ANKS1B: variants seen among roughly 807,000 people sequenced by gnomAD.
ANKS1B encodes the protein ankyrin repeat and sterile alpha motif domain-containing protein 1B.
ANKS1B carries 36 observed loss-of-function variants against 148.3 expected under a neutral mutation model. The observed-to-expected ratio is 0.24, with a 90% CI of 0.19 to 0.32. ANKS1B has a LOEUF of 0.32. Among genes scored for constraint, ANKS1B ranks in the 10% least tolerant of loss-of-function variants. The pLI is 1.00. For synonymous variants in ANKS1B, 542 were observed against 560.8 expected (o/e 0.97, Z 0.47); for missense variants, 1,157 against 1,542.6 (o/e 0.75, Z 4.19).
chr12:99,866,898 G>T (rs1426461347), intron 1 of ANKS1B, among the ~76,000 whole-genome samples: 17 of 152,078 alleles, frequency 1.1e-4, no homozygotes, highest in Admixed American at 1.0e-3. Flanking sequence ...CATCTCCATT[G>T]ATTTATTTTG....
intron 1 of ANKS1B, among the ~76,000 whole-genome samples, chr12:99,960,745 T>C (rs549141170): frequency 6.6e-6 from 1 of 152,240 alleles, no homozygotes; most frequent in African/African-American, 2.4e-5. Context: ...AATAAATACA[T>C]ATTAAAAATA....
intron 9 of ANKS1B, among the ~76,000 whole-genome samples, chr12:99,610,286 T>A (rs1446001554): frequency 6.6e-6 from 1 of 152,022 alleles, no homozygotes; most frequent in Non-Finnish European, 1.5e-5. Flanking sequence ...CTAATGGTAA[T>A]AGACTGAGTA....
intron 9 of ANKS1B, among the ~76,000 whole-genome samples, chr12:99,566,017 A>T (rs116212313): frequency 0.014 from 2,064 of 152,250 alleles, 40 homozygotes; most frequent in African/African-American, 0.046. Context: ...TGTACTGAAT[A>T]CGCTGACATT....
chr12:99,662,460 AAC>A (rs893994647), intron 8 of ANKS1B, among the ~76,000 whole-genome samples: 41 of 152,202 alleles, frequency 2.7e-4, no homozygotes, highest in African/African-American at 9.4e-4. Context: ...TACATTGAAT[AAC>A]AGTTTATCAC....
intron 17 of ANKS1B, among the ~76,000 whole-genome samples, chr12:98,967,873 T>A (rs2099879873): frequency 6.6e-6 from 1 of 152,048 alleles, no homozygotes; most frequent in South Asian, 2.1e-4. Context: ...TACACTCAGC[T>A]GACCCGGGGA....
At chr12:99,045,965 T>G (rs1254625366) in intron 17 of ANKS1B, among the ~76,000 whole-genome samples, 1 of 152,152 alleles carries the variant, frequency 6.6e-6, no homozygotes, top group Non-Finnish European at 1.5e-5. Context: ...GATCAGTACA[T>G]GCATGTGAGG....
intron 17 of ANKS1B, among the ~76,000 whole-genome samples, chr12:99,011,378 G>A (rs2099939306): frequency 2.0e-5 from 3 of 152,218 alleles, no homozygotes; most frequent in Admixed American, 2.0e-4. Flanking sequence ...GAAAAACCAA[G>A]TGTGAGTAAA....
chr12:99,489,408 A>G (rs1223073095), intron 10 of ANKS1B, among the ~76,000 whole-genome samples: 1 of 152,216 alleles, frequency 6.6e-6, no homozygotes, highest in African/African-American at 2.4e-5. Context: ...CTTTCTATAT[A>G]TTGAACAAAA....
At chr12:98,904,330 C>G (rs1012591334) in intron 17 of ANKS1B, among the ~76,000 whole-genome samples, 4 of 152,112 alleles carry the variant, frequency 2.6e-5, no homozygotes, top group Non-Finnish European at 5.9e-5. Flanking sequence ...CAGGGAGAAA[C>G]AACCTGGATG....
intron 4 of ANKS1B, among the ~76,000 whole-genome samples, chr12:99,800,055 CT>C (rs1267234864): frequency 6.6e-6 from 1 of 152,074 alleles, no homozygotes; most frequent in African/African-American, 2.4e-5. Flanking sequence ...GATTGAATAT[CT>C]GTGTGCCCCA....
chr12:99,679,200 C>T (rs539594239), intron 8 of ANKS1B, among the ~76,000 whole-genome samples: 5 of 152,276 alleles, frequency 3.3e-5, no homozygotes, highest in African/African-American at 1.2e-4. Flanking sequence ...AAATAATAAA[C>T]AAAAGCTCTC....
intron 15 of ANKS1B, chr12:99,104,580 A>C (rs1328882758): frequency 1.3e-5 from 2 of 152,242 alleles, no homozygotes; most frequent in Non-Finnish European, 2.9e-5. Flanking sequence ...GACAATGTGA[A>C]TAGGCATCGT....
At position 99,768,825 on chromosome 12, in the gene ANKS1B, G is replaced by GAAA. The variant is rs71088151; in HGVS notation, c.1128+4094_1128+4096dup. Among the ~76,000 whole-genome samples the GAAA allele has an allele frequency of 7.2e-4, 50 of 69,154 alleles. 1 individual carries two copies. Among genetic ancestry groups the GAAA allele is most frequent in the Non-Finnish European group, 8.4e-4 (32 of 38,002 alleles). The allele number at this position is 69,154 out of a possible 152,430, so 45.4% of individuals were successfully genotyped here. ...TGCGACAGAGCACGACTCCGTCTCA[G>GAAA]AAAAAAAAAAAAAAAAAAAAAAACA... On this transcript the variant is annotated intron_variant, in intron 8 of 26. Coordinates refer to ENST00000683438, the MANE Select transcript of ANKS1B (RefSeq NM_001352186.2).
intron 16 of ANKS1B, among the ~76,000 whole-genome samples, chr12:99,060,615 G>GTTAT (rs1315093887): frequency 7.6e-6 from 1 of 130,946 alleles, no homozygotes; most frequent in Non-Finnish European, 1.7e-5. Flanking sequence ...TATATATGTG[G>GTTAT]TTATATATAT....
At chr12:99,846,276 C>T (rs761468258) in intron 1 of ANKS1B, among the ~76,000 whole-genome samples, 2 of 151,020 alleles carry the variant, frequency 1.3e-5, no homozygotes, top group South Asian at 2.1e-4. Context: ...ATTCTTTTCC[C>T]TCCTCTTCTC....
intron 17 of ANKS1B, among the ~76,000 whole-genome samples, chr12:98,921,937 T>C (rs1234737119): frequency 6.6e-6 from 1 of 152,158 alleles, no homozygotes; most frequent in African/African-American, 2.4e-5. Context: ...AGAAAAAAAG[T>C]CTACAGCACA....
At chr12:99,713,317 T>C (rs2056879426) in intron 8 of ANKS1B, among the ~76,000 whole-genome samples, 1 of 152,204 alleles carries the variant, frequency 6.6e-6, no homozygotes, top group African/African-American at 2.4e-5. Context: ...CTCCAGAGCA[T>C]ACTTTCTTGT....
intron 12 of ANKS1B, among the ~76,000 whole-genome samples, chr12:99,365,465 A>G (rs992745161): frequency 1.3e-5 from 2 of 152,188 alleles, no homozygotes; most frequent in African/African-American, 4.8e-5. Context: ...GTCCTGGGAC[A>G]ACTCAGAAGG....
At chr12:99,340,406 T>C (rs534268086) in intron 12 of ANKS1B, among the ~76,000 whole-genome samples, 20 of 152,268 alleles carry the variant, frequency 1.3e-4, no homozygotes, top group Non-Finnish European at 1.6e-4. Context: ...ATAACAGCAA[T>C]ACAGTCATGT....
Sources: gnomAD v4.1 joint callset for allele counts (sites outside exome capture counted in the v4.1 genomes callset) on GRCh38, gnomAD v4.1.1 for gene constraint, MANE v1.5 for transcripts, NCBI Gene and HGNC (gene_info 2026-07-23, HGNC 2026-07-21) for gene names.